Variants in RGS7 observed in about 807,000 individuals in gnomAD.
The protein encoded by RGS7 is regulator of G protein signaling 7, also known as regulator of G-protein signaling 7.
In RGS7, 27 loss-of-function variants were observed where a neutral mutation model predicts 81.1. That is an observed-to-expected ratio of 0.33 (90% CI 0.25 to 0.46). The LOEUF is 0.46. Among genes scored for constraint, RGS7 ranks in the 20% least tolerant of loss-of-function variants. The probability of loss-of-function intolerance (pLI) is 1.00; values close to 1 mark genes in which losing one functional copy is unlikely to be tolerated. For missense variants in RGS7, 396 were observed against 607.4 expected (o/e 0.65, Z 3.66); for synonymous variants, 208 against 207.7 (o/e 1.00, Z -0.01).
At chr1:240,887,507 CGTGA>C (rs989360286) in intron 6 of RGS7, among the ~76,000 whole-genome samples, 1 of 152,058 alleles carries the variant, frequency 6.6e-6, no homozygotes, top group African/African-American at 2.4e-5. Context: ...GGATTACAGG[CGTGA>C]GAGTATATAG....
chr1:240,780,602 T>C (rs1288371330), intron 18 of RGS7, among the ~76,000 whole-genome samples: 1 of 151,960 alleles, frequency 6.6e-6, no homozygotes, highest in Non-Finnish European at 1.5e-5. Flanking sequence ...CAGATTAATG[T>C]GATTTGGTTC....
At chr1:240,995,409 G>C (rs952150341) in intron 3 of RGS7, among the ~76,000 whole-genome samples, 1 of 152,080 alleles carries the variant, frequency 6.6e-6, no homozygotes, top group Non-Finnish European at 1.5e-5. Flanking sequence ...GTGTATAATT[G>C]AATTTTTTTA....
rs147765278 is a variant in RGS7 at position 240,876,918 on chromosome 1, G to A, written c.386-6799C>T. 2.6e-3 allele frequency among the ~76,000 whole-genome samples: 395 copies of A among 152,212 alleles called. 2 individuals carry two copies. Among genetic ancestry groups the A allele is most frequent in the African/African-American group, 8.9e-3 (368 of 41,540 alleles). On this transcript the variant is annotated intron_variant, in intron 6 of 18. Coordinates refer to ENST00000440928, the MANE Select transcript of RGS7 (RefSeq NM_001364886.1). ...AGAGGTTGCAGTGAGCCGAGATCAG[G>A]CCACTGCACTCCAGCCTGGGCAACA...
At chr1:241,061,923 C>A (rs1213031057) in intron 3 of RGS7, among the ~76,000 whole-genome samples, 1 of 152,200 alleles carries the variant, frequency 6.6e-6, no homozygotes, top group Non-Finnish European at 1.5e-5. Context: ...GCTGCAAGCT[C>A]CATGCTTGGT....
At chr1:241,301,039 T>G (rs186066220) in intron 2 of RGS7, among the ~76,000 whole-genome samples, 1 of 152,346 alleles carries the variant, frequency 6.6e-6, no homozygotes, top group East Asian at 1.9e-4. Context: ...ATATTCTTAT[T>G]TGCCAGGCCT....
At chr1:241,204,985 T>C (rs150744324) in intron 2 of RGS7, among the ~76,000 whole-genome samples, 2,333 of 152,172 alleles carry the variant, frequency 0.015, 21 homozygotes, top group Non-Finnish European at 0.023. Flanking sequence ...AAAAGTAAAT[T>C]TATTTATTAA....
intron 10 of RGS7, among the ~76,000 whole-genome samples, chr1:240,824,266 C>T (rs1692362376): frequency 6.6e-6 from 1 of 152,194 alleles, no homozygotes; most frequent in Admixed American, 6.5e-5. Flanking sequence ...GTCCTTTATT[C>T]TTGTCACGGC....
At chr1:241,216,121 A>C (rs2074539357) in intron 2 of RGS7, among the ~76,000 whole-genome samples, 1 of 151,388 alleles carries the variant, frequency 6.6e-6, no homozygotes, top group Non-Finnish European at 1.5e-5. Flanking sequence ...ATATAAAAAA[A>C]CGTAGCCGGG....
intron 2 of RGS7, among the ~76,000 whole-genome samples, chr1:241,194,408 G>A (rs886196630): frequency 1.3e-5 from 2 of 152,130 alleles, no homozygotes; most frequent in African/African-American, 2.4e-5. Context: ...AACAACTGGT[G>A]CTAAATCAGA....
chr1:240,848,814 G>T (rs141059356), intron 9 of RGS7, among the ~76,000 whole-genome samples: 1 of 152,102 alleles, frequency 6.6e-6, no homozygotes, highest in Non-Finnish European at 1.5e-5. Context: ...TGCCAAAAAG[G>T]GTTCTTTTCT....
intron 18 of RGS7, among the ~76,000 whole-genome samples, chr1:240,778,867 C>T (rs551425713): frequency 7.2e-4 from 109 of 152,168 alleles, no homozygotes; most frequent in African/African-American, 2.5e-3. Flanking sequence ...TCCCACTAGG[C>T]TTATGTTTAT....
At chr1:241,010,636 A>G (rs917888970) in intron 3 of RGS7, among the ~76,000 whole-genome samples, 1 of 152,274 alleles carries the variant, frequency 6.6e-6, no homozygotes, top group African/African-American at 2.4e-5. Flanking sequence ...GATCAAAAGC[A>G]TAACTTCTCA....
At chr1:240,923,944 A>C (rs1446764458) in intron 6 of RGS7, among the ~76,000 whole-genome samples, 4 of 152,150 alleles carry the variant, frequency 2.6e-5, no homozygotes, top group Non-Finnish European at 4.4e-5. Context: ...GGTTCAAGAC[A>C]CAGTTCTAAA....
rs1670673269 is a variant in RGS7, at chr1:240,905,467, G to T, written c.385+25250C>A. On this transcript the variant is annotated intron_variant, in intron 6 of 18. Coordinates refer to ENST00000440928, the MANE Select transcript of RGS7 (RefSeq NM_001364886.1). ...CCATGTATGATTGGGAATAAAATGG[G>T]ATCTCAAAATCAGATTCCATTTTGC... Among the ~76,000 whole-genome samples, 5 of 152,156 alleles carry T rather than the reference G, an allele frequency of 3.3e-5. No individual in the cohort carries two copies. In the South Asian group the frequency reaches 1.0e-3, roughly 31 times the overall value.
At chr1:241,059,672 A>T (rs1292675602) in intron 3 of RGS7, among the ~76,000 whole-genome samples, 1 of 152,126 alleles carries the variant, frequency 6.6e-6, no homozygotes, top group Non-Finnish European at 1.5e-5. Flanking sequence ...AGCACCACTC[A>T]GCGCCTGGCT....
At chr1:241,256,544 A>T (rs1484993565) in intron 2 of RGS7, among the ~76,000 whole-genome samples, 4 of 152,128 alleles carry the variant, frequency 2.6e-5, no homozygotes. Flanking sequence ...AATACCATAG[A>T]CTGGGTGGCT....
chr1:241,232,158 T>A (rs907103767), intron 2 of RGS7, among the ~76,000 whole-genome samples: 2 of 151,908 alleles, frequency 1.3e-5, no homozygotes, highest in Non-Finnish European at 2.9e-5. Context: ...TATTTTGGGA[T>A]CTCTTAATTC....
intron 15 of RGS7, among the ~76,000 whole-genome samples, 155 bp downstream of exon 15, chr1:240,805,985 C>G (rs1688773403): frequency 6.6e-6 from 1 of 152,072 alleles, no homozygotes. Flanking sequence ...TTTAATGTGT[C>G]TTTGTTCCTT....
intron 9 of RGS7, among the ~76,000 whole-genome samples, chr1:240,863,657 G>T (rs952738645): frequency 3.3e-5 from 5 of 152,122 alleles, no homozygotes; most frequent in South Asian, 4.1e-4. Context: ...TTCTACACAT[G>T]TTAGTTGGAT....
Sources: allele counts gnomAD v4.1 joint callset (sites outside exome capture counted in the v4.1 genomes callset), GRCh38; gene constraint gnomAD v4.1.1; transcripts MANE v1.5; gene names NCBI Gene and HGNC (gene_info 2026-07-23, HGNC 2026-07-21).